The following SDK1 variants were observed in gnomAD, a reference collection of about 807,000 sequenced individuals.
The protein encoded by SDK1 is protein sidekick-1.
Under a neutral mutation model 245.5 loss-of-function variants are expected in SDK1, and 157 were observed. The observed-to-expected ratio is 0.64, with a 90% CI of 0.56 to 0.73. The LOEUF (loss-of-function observed/expected upper bound fraction) is 0.73. Among genes scored for constraint, SDK1 ranks in the 30% least tolerant of loss-of-function variants. The probability of loss-of-function intolerance (pLI) is 0.00; values close to 1 mark genes in which losing one functional copy is unlikely to be tolerated. For missense variants in SDK1, 3,583 were observed against 3,002.3 expected, an observed-to-expected ratio of 1.19 and a Z score of -4.52; for synonymous variants, 1,647 against 1,278.5, an observed-to-expected ratio of 1.29 and a Z score of -6.15.
intron 5 of SDK1, among the ~76,000 whole-genome samples, chr7:3,858,995 T>C (rs1780617796): frequency 6.6e-6 from 1 of 151,254 alleles, no homozygotes; most frequent in East Asian, 1.9e-4. Context: ...CCCGAGTAGC[T>C]GGGACCACAG....
chr7:3,546,025 G>C (rs1277614450), intron 1 of SDK1, among the ~76,000 whole-genome samples: 1 of 152,168 alleles, frequency 6.6e-6, no homozygotes, highest in African/African-American at 2.4e-5. Context: ...TTATGAAATT[G>C]CTGAAAATAA....
intron 14 of SDK1, among the ~76,000 whole-genome samples, chr7:4,000,243 G>A (rs1784973837): frequency 6.6e-6 from 1 of 152,248 alleles, no homozygotes; most frequent in South Asian, 2.1e-4. Flanking sequence ...CTGAGGCTGA[G>A]ATGATGTTCT....
At chr7:3,327,509 C>T (rs1779966230) in intron 1 of SDK1, among the ~76,000 whole-genome samples, 2 of 152,106 alleles carry the variant, frequency 1.3e-5, no homozygotes, top group African/African-American at 4.8e-5. Flanking sequence ...TTTTACTTCA[C>T]ATACCCATCT....
At chr7:3,852,644 G>A (rs1421262501) in intron 5 of SDK1, among the ~76,000 whole-genome samples, 6 of 150,326 alleles carry the variant, frequency 4.0e-5, no homozygotes, top group South Asian at 2.1e-4. Context: ...CCAGCTACTC[G>A]GGAGGCTGAG....
At chr7:3,782,598 C>T (rs1054148990) in intron 4 of SDK1, among the ~76,000 whole-genome samples, 1 of 152,036 alleles carries the variant, frequency 6.6e-6, no homozygotes, top group Admixed American at 6.5e-5. Context: ...AAAGGAGTAC[C>T]AATACTACCA....
At chr7:3,468,059 G>C (rs1167663617) in intron 1 of SDK1, among the ~76,000 whole-genome samples, 4 of 151,914 alleles carry the variant, frequency 2.6e-5, no homozygotes, top group African/African-American at 9.7e-5. Flanking sequence ...ATTTATCTCA[G>C]TATTTTAAAA....
At chr7:3,751,840 A>C (rs1779782251) in intron 4 of SDK1, among the ~76,000 whole-genome samples, 1 of 152,168 alleles carries the variant, frequency 6.6e-6, no homozygotes, top group African/African-American at 2.4e-5. Flanking sequence ...CCCTTCTGAA[A>C]GCCCTGGGAA....
intron 4 of SDK1, among the ~76,000 whole-genome samples, chr7:3,720,644 G>C (rs1785341113): frequency 6.6e-6 from 1 of 152,098 alleles, no homozygotes; most frequent in Admixed American, 6.6e-5. Flanking sequence ...ATGTAACCTG[G>C]TACAGCCACT....
chr7:3,747,657 G>C (rs112141485), intron 4 of SDK1, among the ~76,000 whole-genome samples: 2 of 152,182 alleles, frequency 1.3e-5, no homozygotes, highest in African/African-American at 4.8e-5. Flanking sequence ...ATTGTACTAG[G>C]TAGCTGAGGG....
chr7:4,155,577 GC>G (rs1418957483), intron 30 of SDK1, among the ~76,000 whole-genome samples: 1 of 152,220 alleles, frequency 6.6e-6, no homozygotes, highest in Non-Finnish European at 1.5e-5. Flanking sequence ...AATGCCAGAG[GC>G]CAGTGAGAAA....
chr7:3,821,715 C>G lies in SDK1; in HGVS notation c.847+132C>G, dbSNP rs894583406. On this transcript the variant is annotated intron_variant, in intron 5 of 44. Coordinates refer to ENST00000404826, the MANE Select transcript of SDK1 (RefSeq NM_152744.4). The stretch of plus-strand genomic sequence containing the variant: ...GTAGTAGTTACGGTTTAATATTGAT[C>G]CAGTGCCAATAGTTCGGAGAGCTTT... 8 of 881,476 alleles carry G rather than the reference C, an allele frequency of 9.1e-6. No homozygotes were observed. In the South Asian group the frequency reaches 1.1e-4, roughly 12 times the overall value. The allele number at this position is 881,476 out of a possible 1,614,324, so 54.6% of individuals were successfully genotyped here.
chr7:3,948,983 A>G (rs1477192715), intron 5 of SDK1, among the ~76,000 whole-genome samples: 1 of 152,076 alleles, frequency 6.6e-6, no homozygotes, highest in East Asian at 1.9e-4. Context: ...AGCCACTTTC[A>G]CAGATGACAG....
intron 4 of SDK1, among the ~76,000 whole-genome samples, chr7:3,654,367 G>GGGAGT (rs2128656961): frequency 6.6e-6 from 1 of 152,314 alleles, no homozygotes; most frequent in Admixed American, 6.5e-5. Flanking sequence ...TCTGCAGACT[G>GGGAGT]CTGATGAGCT....
intron 4 of SDK1, among the ~76,000 whole-genome samples, chr7:3,653,166 G>A (rs1783061305): frequency 6.6e-6 from 1 of 152,192 alleles, no homozygotes; most frequent in African/African-American, 2.4e-5. Flanking sequence ...AGGTGGATCA[G>A]CAGACAGATT....
intron 2 of SDK1, among the ~76,000 whole-genome samples, chr7:3,620,327 A>T (rs1201971024): frequency 1.3e-5 from 2 of 150,108 alleles, no homozygotes; most frequent in African/African-American, 4.9e-5. Flanking sequence ...TTTGAGACGG[A>T]GTTTCACTCT....
chr7:4,202,356 C>A (rs975295117), intron 35 of SDK1, among the ~76,000 whole-genome samples: 2 of 152,234 alleles, frequency 1.3e-5, no homozygotes, highest in Non-Finnish European at 2.9e-5. Flanking sequence ...TGCCGCCCTC[C>A]GAGTGCCAGC....
At chr7:3,498,805 A>G (rs779867868) in intron 1 of SDK1, among the ~76,000 whole-genome samples, 26 of 149,492 alleles carry the variant, frequency 1.7e-4, no homozygotes, top group South Asian at 1.1e-3. Flanking sequence ...ATGTTCTTGT[A>G]TGCTGATGAG....
chr7:3,432,345 C>T (rs1395625312), intron 1 of SDK1, among the ~76,000 whole-genome samples: 4 of 151,784 alleles, frequency 2.6e-5, no homozygotes, highest in Non-Finnish European at 4.4e-5. Flanking sequence ...TGACTGTAGG[C>T]AGTTTCAGTT....
At chr7:3,599,703 G>A (rs1301817583) in intron 1 of SDK1, among the ~76,000 whole-genome samples, 5 of 152,118 alleles carry the variant, frequency 3.3e-5, no homozygotes, top group Non-Finnish European at 2.9e-5. Flanking sequence ...AGCATCATTT[G>A]TTTAAAAGTC....
Sources: gnomAD v4.1 joint callset for allele counts (sites outside exome capture counted in the v4.1 genomes callset) on GRCh38, gnomAD v4.1.1 for gene constraint, MANE v1.5 for transcripts, NCBI Gene and HGNC (gene_info 2026-07-23, HGNC 2026-07-21) for gene names.